Variants in GAS2 observed in about 807,000 individuals in gnomAD.
GAS2 encodes the protein growth arrest specific 2.
GAS2 carries 20 observed loss-of-function variants against 37.5 expected under a neutral mutation model. The observed-to-expected ratio is 0.53, with a 90% CI of 0.37 to 0.77. GAS2 has a LOEUF of 0.77. Ranked by LOEUF, GAS2 falls within the 30% of genes least tolerant of loss-of-function variation. The probability of loss-of-function intolerance (pLI) is 0.00; values close to 1 mark genes in which losing one functional copy is unlikely to be tolerated. For missense variants in GAS2, 336 were observed against 373.4 expected (o/e 0.90, Z 0.82); for synonymous variants, 144 against 132.2 (o/e 1.09, Z -0.61).
chr11:22,794,178 C>CT (rs984265697), intron 7 of GAS2, among the ~76,000 whole-genome samples: 10 of 150,280 alleles, frequency 6.7e-5, no homozygotes, highest in East Asian at 1.9e-4. Context: ...TGTCTTCTTG[C>CT]TTTTTTTTAA....
chr11:22,631,262 G>C (rs144305460), intron 1 of GAS2, among the ~76,000 whole-genome samples: 1 of 152,002 alleles, frequency 6.6e-6, no homozygotes, highest in Admixed American at 6.6e-5. Flanking sequence ...GTATATTATC[G>C]CATCATCAGC....
intron 7 of GAS2, among the ~76,000 whole-genome samples, chr11:22,784,766 A>G (rs1352217516): frequency 2.0e-5 from 3 of 152,140 alleles, no homozygotes; most frequent in African/African-American, 7.2e-5. Context: ...TCCTCTGTGT[A>G]TCTTCCCTCT....
At chr11:22,720,821 T>C (rs1403231930) in intron 3 of GAS2, among the ~76,000 whole-genome samples, 2 of 152,104 alleles carry the variant, frequency 1.3e-5, no homozygotes, top group African/African-American at 2.4e-5. Flanking sequence ...TATTAAATTT[T>C]CAGTTCGCAC....
chr11:22,713,638 C>A (rs558252514), intron 3 of GAS2, among the ~76,000 whole-genome samples: 3 of 152,198 alleles, frequency 2.0e-5, no homozygotes, highest in African/African-American at 7.2e-5. Flanking sequence ...TAAAATAAAA[C>A]CTATCAGATT....
At chr11:22,691,428 A>C (rs1344028359) in intron 3 of GAS2, among the ~76,000 whole-genome samples, 4 of 152,230 alleles carry the variant, frequency 2.6e-5, no homozygotes, top group Non-Finnish European at 4.4e-5. Flanking sequence ...TTTAATTCTG[A>C]GAAATCCAGA....
At chr11:22,638,844 A>G (rs1451969296) in intron 1 of GAS2, among the ~76,000 whole-genome samples, 1 of 152,056 alleles carries the variant, frequency 6.6e-6, no homozygotes, top group Non-Finnish European at 1.5e-5. Context: ...ATCTTCAGAC[A>G]AGGCAGTCAT....
chr11:22,631,047 G>C (rs1234292859), intron 1 of GAS2, among the ~76,000 whole-genome samples: 2 of 152,110 alleles, frequency 1.3e-5, no homozygotes, highest in African/African-American at 4.8e-5. Context: ...TCTCCTTGTA[G>C]AGATCTTTCC....
intron 3 of GAS2, among the ~76,000 whole-genome samples, chr11:22,687,116 G>A (rs903966389): frequency 6.6e-6 from 1 of 151,964 alleles, no homozygotes; most frequent in Non-Finnish European, 1.5e-5. Flanking sequence ...GCTTGAGCTC[G>A]GGAGTCGAGA....
At chr11:22,630,937 A>G (rs181811446) in intron 1 of GAS2, among the ~76,000 whole-genome samples, 61 of 152,302 alleles carry the variant, frequency 4.0e-4, no homozygotes, top group African/African-American at 1.4e-3. Flanking sequence ...TTTGGGCAGT[A>G]TGGTCATTAT....
At chr11:22,803,760 A>C (rs1014909726) in intron 7 of GAS2, among the ~76,000 whole-genome samples, 4 of 152,290 alleles carry the variant, frequency 2.6e-5, no homozygotes, top group Admixed American at 2.6e-4. Flanking sequence ...TGAGATTCCA[A>C]AAATGAAGAC....
At chr11:22,698,806 G>A (rs337461) in intron 3 of GAS2, among the ~76,000 whole-genome samples, 32,916 of 151,944 alleles carry the variant, frequency 0.22, 4,033 homozygotes, top group East Asian at 0.41. Flanking sequence ...TATAAAACAA[G>A]AATATTTAAG....
chr11:22,764,561 CAA>C (rs71311297), intron 7 of GAS2, among the ~76,000 whole-genome samples: 3 of 61,682 alleles, frequency 4.9e-5, no homozygotes, highest in African/African-American at 1.2e-4. Context: ...GACTCCGTCT[CAA>C]AAAAAAAAAA....
intron 7 of GAS2, among the ~76,000 whole-genome samples, chr11:22,789,422 T>TATATAAATATATATATATA (rs1564889813): frequency 7.0e-5 from 3 of 42,854 alleles, no homozygotes; most frequent in African/African-American, 3.6e-4. Context: ...GTATCTCATA[T>TATATAAATATATATATATA]GAGATATATA....
chr11:22,695,453 T>A (rs1011052718), intron 3 of GAS2, among the ~76,000 whole-genome samples: 3 of 152,144 alleles, frequency 2.0e-5, no homozygotes, highest in African/African-American at 7.2e-5. Context: ...TGTAGAGGAA[T>A]CCACCATGTA....
At chr11:22,753,072 C>A (rs909847938) in intron 6 of GAS2, among the ~76,000 whole-genome samples, 3 of 152,050 alleles carry the variant, frequency 2.0e-5, no homozygotes, top group Non-Finnish European at 4.4e-5. Context: ...TACTTTCTTC[C>A]TCTTCTCCAT....
At chr11:22,726,501 C>G (rs1440035589) in intron 4 of GAS2, 68 bp downstream of exon 4, 4 of 1,444,850 alleles carry the variant, frequency 2.8e-6, no homozygotes, top group Non-Finnish European at 3.8e-6. Flanking sequence ...GTCAGTATAG[C>G]CATCAAAAAG....
rs1491294585 is a variant in GAS2, at chr11:22,789,423, G to GATATATATAAATATATATATATAT, written c.724-22374_724-22373insTATATATAAATATATATATATATA. Among the ~76,000 whole-genome samples the GATATATATAAATATATATATATAT allele has an allele frequency of 9.4e-4, 67 of 71,152 alleles. 9 individuals are homozygous for GATATATATAAATATATATATATAT. The highest frequency in any genetic ancestry group is 1.2e-3 in the African/African-American group (21 of 17,318). 46.7% of individuals were successfully genotyped at this position (71,152 alleles called of 152,430 possible). A position where few individuals can be genotyped will look rare whatever the true frequency, so the allele number is the denominator to read the frequency against. On this transcript the variant is annotated intron_variant, in intron 7 of 7. Coordinates refer to ENST00000454584, the MANE Select transcript of GAS2 (RefSeq NM_001143830.3). Reference sequence around the variant, plus strand: ...GTGTGTATGTGTGTGTATCTCATATGAGATATATATATATATATATATATA... The same window carrying GATATATATAAATATATATATATAT: ...GTGTGTATGTGTGTGTATCTCATATGATATATATAAATATATATATATATAGATATATATATATATATATATATA...
chr11:22,697,083 G>C (rs1178344809), intron 3 of GAS2, among the ~76,000 whole-genome samples: 50 of 152,064 alleles, frequency 3.3e-4, no homozygotes, highest in Admixed American at 1.1e-3. Context: ...TTAGGTCTAA[G>C]GTTTAAGTCT....
At chr11:22,670,060 G>A (rs1849140087) in intron 1 of GAS2, among the ~76,000 whole-genome samples, 1 of 152,142 alleles carries the variant, frequency 6.6e-6, no homozygotes, top group African/African-American at 2.4e-5. Context: ...CTAGGAAAAT[G>A]GCATTTTCTC....
Sources: gnomAD v4.1 joint callset for allele counts (sites outside exome capture counted in the v4.1 genomes callset) on GRCh38, gnomAD v4.1.1 for gene constraint, MANE v1.5 for transcripts, NCBI Gene and HGNC (gene_info 2026-07-23, HGNC 2026-07-21) for gene names.